BAZ2B: variants seen among roughly 807,000 people sequenced by gnomAD.
BAZ2B encodes the protein bromodomain adjacent to zinc finger domain protein 2B.
BAZ2B carries 91 observed loss-of-function variants against 246.0 expected under a neutral mutation model. That is an observed-to-expected ratio of 0.37 (90% CI 0.31 to 0.44). BAZ2B has a LOEUF of 0.44. Ranked by LOEUF, BAZ2B falls within the 20% of genes least tolerant of loss-of-function variation. The pLI, the probability that BAZ2B is intolerant of heterozygous loss-of-function variation, is 1.00. For synonymous variants in BAZ2B, 855 were observed against 860.0 expected (o/e 0.99, Z 0.10); for missense variants, 2,332 against 2,533.7 (o/e 0.92, Z 1.71).
At chr2:159,551,350 T>A (rs2088193520) in intron 2 of BAZ2B, among the ~76,000 whole-genome samples, 1 of 151,050 alleles carries the variant, frequency 6.6e-6, no homozygotes, top group South Asian at 2.1e-4. Context: ...AAACCTGTAG[T>A]CCCACCTACT....
the BAZ2B span, among the ~76,000 whole-genome samples, chr2:159,622,378 T>C: frequency 6.6e-6 from 1 of 150,928 alleles, no homozygotes; most frequent in South Asian, 2.1e-4. Flanking sequence ...AAAGATCAGA[T>C]ATTTAAACAT....
intron 3 of BAZ2B, among the ~76,000 whole-genome samples, chr2:159,468,622 G>A (rs536061222): frequency 6.6e-6 from 1 of 152,168 alleles, no homozygotes; most frequent in Non-Finnish European, 1.5e-5. Flanking sequence ...TACTGGAATG[G>A]TAAGAAAATG....
At chr2:159,580,281 A>G (rs1354851394) in intron 1 of BAZ2B, among the ~76,000 whole-genome samples, 1 of 152,204 alleles carries the variant, frequency 6.6e-6, no homozygotes, top group African/African-American at 2.4e-5. Flanking sequence ...AATAATAGAG[A>G]AACAGCCAAA....
chr2:159,536,407 C>T (rs939365274), intron 2 of BAZ2B: 3 of 152,008 alleles, frequency 2.0e-5, no homozygotes, highest in Non-Finnish European at 4.4e-5. Flanking sequence ...GAAATAATAG[C>T]GTATTTAAAT....
intron 3 of BAZ2B, among the ~76,000 whole-genome samples, chr2:159,477,977 C>A (rs1030104346): frequency 1.3e-5 from 2 of 152,304 alleles, no homozygotes; most frequent in South Asian, 4.2e-4. Flanking sequence ...CATGCGCCAC[C>A]ATGCCTGGCT....
At position 159,554,684 on chromosome 2, in the gene BAZ2B, G is replaced by T. The variant is rs551859757; in HGVS notation, c.-3+1139C>A. ...AATAATTAATGCTTCTGGATTTAATGAGTTAAATTAAAACAGTTGAAGAAG... is the reference window on the plus strand; with the variant it reads ...AATAATTAATGCTTCTGGATTTAATTAGTTAAATTAAAACAGTTGAAGAAG... On this transcript the variant is annotated intron_variant, in intron 2 of 36. Transcript: ENST00000392783. Among the ~76,000 whole-genome samples the T allele has an allele frequency of 1.7e-3, 254 of 152,084 alleles. 1 individual carries two copies. Among genetic ancestry groups the T allele is most frequent in the African/African-American group, 5.9e-3 (244 of 41,524 alleles).
intron 22 of BAZ2B, 100 bp downstream of exon 22, chr2:159,386,253 A>C (rs2062643151): frequency 7.8e-7 from 1 of 1,275,848 alleles, no homozygotes; most frequent in African/African-American, 1.5e-5. Context: ...ATGTGGAAAA[A>C]TTAGATCAAT....
At chr2:159,407,954 T>C (rs1174400580) in intron 14 of BAZ2B, among the ~76,000 whole-genome samples, 1 of 152,212 alleles carries the variant, frequency 6.6e-6, no homozygotes, top group Non-Finnish European at 1.5e-5. Context: ...GAATTGAAAG[T>C]TTTGAATTCT....
At chr2:159,681,551 G>T in the BAZ2B span, among the ~76,000 whole-genome samples, 1 of 152,084 alleles carries the variant, frequency 6.6e-6, no homozygotes, top group African/African-American at 2.4e-5. Flanking sequence ...TTGAAAGAGA[G>T]AATTACTATA....
intron 1 of BAZ2B, among the ~76,000 whole-genome samples, chr2:159,590,886 A>G (rs541625050): frequency 1.3e-5 from 2 of 152,290 alleles, no homozygotes; most frequent in Non-Finnish European, 2.9e-5. Context: ...AAGGCTTCTA[A>G]CTAGCCTTTA....
chr2:159,532,275 A>G (rs2085456479), intron 2 of BAZ2B, among the ~76,000 whole-genome samples: 5 of 152,174 alleles, frequency 3.3e-5, no homozygotes, highest in Admixed American at 3.3e-4. Flanking sequence ...TAGAATGCTA[A>G]CTACCAAGAA....
the BAZ2B span, among the ~76,000 whole-genome samples, chr2:159,703,820 G>A: frequency 6.6e-5 from 10 of 152,194 alleles, no homozygotes; most frequent in Middle Eastern, 3.4e-3. Flanking sequence ...AGCAGTGATC[G>A]TGCCACTGTA....
intron 13 of BAZ2B, among the ~76,000 whole-genome samples, chr2:159,426,864 G>T (rs945985288): frequency 2.0e-5 from 3 of 152,098 alleles, no homozygotes; most frequent in Non-Finnish European, 4.4e-5. Context: ...TAAAGGGTAA[G>T]ATAGGATAGA....
intron 4 of BAZ2B, 116 bp downstream of exon 4, chr2:159,453,496 CA>C (rs2075348024): frequency 8.2e-7 from 1 of 1,213,928 alleles, no homozygotes; most frequent in South Asian, 2.2e-5. Context: ...ATTCTTGCAC[CA>C]AAGTTTTAAA....
chr2:159,581,770 T>C (rs1218305011), intron 1 of BAZ2B, among the ~76,000 whole-genome samples: 2 of 151,962 alleles, frequency 1.3e-5, no homozygotes, highest in Non-Finnish European at 2.9e-5. Context: ...ATGTCATTTG[T>C]AGGGATATGG....
Position 159,395,738 on chromosome 2 carries a change from A to T in BAZ2B, c.3075+31T>A, listed in dbSNP as rs747537598. 35 of 1,542,868 alleles carry T rather than the reference A, an allele frequency of 2.3e-5. 1 individual carries two copies. The South Asian group carries it at 3.5e-4, about 15-fold the overall frequency. On this transcript the variant is annotated intron_variant, in intron 20 of 36. Coordinates refer to ENST00000392783, the MANE Select transcript of BAZ2B (RefSeq NM_013450.4). ...CTTTAGGAAAAAGCATTACTTTATAAGGTAATATTTTTCTAGAAACATACA... is the reference window on the plus strand; with the variant it reads ...CTTTAGGAAAAAGCATTACTTTATATGGTAATATTTTTCTAGAAACATACA...
chr2:159,580,161 T>C (rs1301203831), intron 1 of BAZ2B, among the ~76,000 whole-genome samples: 2 of 152,198 alleles, frequency 1.3e-5, no homozygotes, highest in Non-Finnish European at 2.9e-5. Flanking sequence ...ATTTTTTATT[T>C]AGAAAACCCC....
At chr2:159,648,294 T>C in the BAZ2B span, among the ~76,000 whole-genome samples, 1 of 151,968 alleles carries the variant, frequency 6.6e-6, no homozygotes, top group East Asian at 1.9e-4. Context: ...CATGCCACCA[T>C]GCCCAGCTAA....
In BAZ2B at chr2:159,374,700, T is replaced by C. The variant is rs202049456; in HGVS notation, c.4059A>G (p.Lys1353=). 2.0e-5 allele frequency: 32 copies of C among 1,612,496 alleles called. No homozygotes were observed. The African/African-American group carries it at 2.7e-4, about 13-fold the overall frequency. ...TCAGAAAAGTGCTTACTTTACTCAG[T>C]TTTTCAATCTGTTTTTCCAGCTCTT... ...SVEELEKQIE[K]LSKQQSQYRR... Residue 1353 remains lysine, a synonymous_variant, in exon 26 of 37, where the codon AAA becomes AAG. Transcript: ENST00000392783.
Sources: allele counts gnomAD v4.1 joint callset (sites outside exome capture counted in the v4.1 genomes callset), GRCh38; gene constraint gnomAD v4.1.1; transcripts MANE v1.5; gene names NCBI Gene and HGNC (gene_info 2026-07-23, HGNC 2026-07-21).